The following NDRG4 variants were observed in gnomAD, a reference collection of about 807,000 sequenced individuals.
The protein encoded by NDRG4 is protein NDRG4.
In NDRG4, 38 loss-of-function variants were observed where a neutral mutation model predicts 55.8. That is an observed-to-expected ratio of 0.68 (90% confidence interval 0.53 to 0.89). The LOEUF (loss-of-function observed/expected upper bound fraction) is 0.89, where lower values mean the gene tolerates loss of function less well. Ranked by LOEUF, NDRG4 falls within the 40% of genes least tolerant of loss-of-function variation. The pLI is 0.00. For synonymous variants in NDRG4, 190 were observed against 182.7 expected (o/e 1.04, Z -0.32); for missense variants, 455 against 468.6 (o/e 0.97, Z 0.27).
rs967223921 is a variant in NDRG4, at chr16:58,512,784, T to C, written c.*1208T>C. On this transcript the variant is annotated 3_prime_UTR_variant, in exon 15 of 15. Coordinates refer to ENST00000570248, the MANE Select transcript of NDRG4 (RefSeq NM_001242835.2). ...CTTTCCATCCACTCACCTTACCCCA[T>C]AGCATCTTGCGGCCCAGAAACCAGA... is the stretch of plus-strand genomic sequence containing the variant. 2 of 152,646 alleles carry C rather than the reference T, an allele frequency of 1.3e-5. No individual in the cohort carries two copies. Among genetic ancestry groups the C allele is most frequent in the African/African-American group, 4.8e-5 (2 of 41,418 alleles). The allele number at this position is 152,646 out of a possible 1,614,324, so 9.5% of individuals were successfully genotyped here. A position where few individuals can be genotyped will look rare whatever the true frequency, so the allele number is the denominator to read the frequency against.
At chr16:58,505,409 T>C (rs1405507383) in intron 5 of NDRG4, among the ~76,000 whole-genome samples, 1 of 108,234 alleles carries the variant, frequency 9.2e-6, no homozygotes. Flanking sequence ...TTTTCATCTC[T>C]AAAAACAAGC....
At chr16:58,493,906 G>A (rs2036080869) in intron 2 of NDRG4, among the ~76,000 whole-genome samples, 1 of 152,184 alleles carries the variant, frequency 6.6e-6, no homozygotes, top group African/African-American at 2.4e-5. Context: ...GACCCAGAGT[G>A]GGTGAGTCGC....
At chr16:58,508,550 T>G (rs2038354239) in intron 10 of NDRG4, among the ~76,000 whole-genome samples, 1 of 152,090 alleles carries the variant, frequency 6.6e-6, no homozygotes, top group Admixed American at 6.5e-5. Flanking sequence ...ATACCAGGCT[T>G]TCCCATGCCC....
At chr16:58,489,064 C>T (rs557796020) in intron 2 of NDRG4, among the ~76,000 whole-genome samples, 14 of 152,126 alleles carry the variant, frequency 9.2e-5, no homozygotes, top group South Asian at 6.2e-4. Context: ...TTTGGGAGGC[C>T]GAGGTGGGCA....
Position 58,500,199 on chromosome 16 carries a change from A to G in NDRG4, c.-50A>G. On this transcript the variant is annotated 5_prime_UTR_variant, in exon 1 of 15. Coordinates refer to ENST00000570248, the MANE Select transcript of NDRG4 (RefSeq NM_001242835.2). ...CCCGCCCTCTGGACCCGAGTGACTC[A>G]GGCCTTTGTTTGTCCTTCCTGGTAG... 6.5e-7 allele frequency: 1 copy of G among 1,536,010 alleles called. No homozygotes were observed. Among genetic ancestry groups the G allele is most frequent in the Non-Finnish European group, 8.7e-7 (1 of 1,146,820 alleles).
chr16:58,481,217 C>T (rs1308760547), intron 1 of NDRG4, among the ~76,000 whole-genome samples: 2 of 152,030 alleles, frequency 1.3e-5, no homozygotes, highest in Non-Finnish European at 2.9e-5. Flanking sequence ...ACTAAATGAG[C>T]TTATACATGT....
chr16:58,464,419 C>A lies in NDRG4; in HGVS notation c.-24+622C>A. On this transcript the variant is annotated intron_variant, in intron 1 of 15. Transcript: ENST00000258187. This position sits in a 1 kb window ranked among gnomAD's most constrained non-coding sequence, Gnocchi z 4.8. Reference sequence around the variant, plus strand: ...CGCCGCCACCCAGAGCCGGGCCGCGCCGGGCGCCGAGATGAAGGTGCTGGG... The same window carrying A: ...CGCCGCCACCCAGAGCCGGGCCGCGACGGGCGCCGAGATGAAGGTGCTGGG... The A allele has an allele frequency of 7.3e-7, 1 of 1,368,994 alleles. No homozygotes were observed. Among genetic ancestry groups the A allele is most frequent in the Non-Finnish European group, 9.4e-7 (1 of 1,064,094 alleles). 84.8% of individuals were successfully genotyped at this position (1,368,994 alleles called of 1,614,324 possible).
rs578200561 is a variant in NDRG4, at chr16:58,464,475, C to A, written c.-24+678C>A. 1,228 of 1,316,936 alleles carry A rather than the reference C, an allele frequency of 9.3e-4. 15 individuals carry two copies. In the African/African-American group the frequency reaches 0.017, roughly 19 times the overall value. The allele number at this position is 1,316,936 out of a possible 1,614,324, so 81.6% of individuals were successfully genotyped here. A position where few individuals can be genotyped will look rare whatever the true frequency, so the allele number is the denominator to read the frequency against. ...GGCTGGAGCTGCTCACAGGTACCGC[C>A]CGCCTGCCCCGCAGCCGGCCGCCAC... On this transcript the variant is annotated intron_variant, in intron 1 of 15. Coordinates refer to the NDRG4 transcript ENST00000258187. This position sits in a 1 kb window ranked among gnomAD's most constrained non-coding sequence, Gnocchi z 4.8.
At chr16:58,484,695 G>T (rs1028676374) in intron 1 of NDRG4, among the ~76,000 whole-genome samples, 3 of 152,124 alleles carry the variant, frequency 2.0e-5, no homozygotes, top group African/African-American at 7.2e-5. Context: ...TCCCTTTAGG[G>T]AATAAGAGAT....
rs1295828220 is a variant in NDRG4, at chr16:58,508,996, C to T, written c.764C>T (p.Thr255Met). Residue 255 changes from threonine to methionine, a missense_variant, in exon 11 of 15, where the codon ACG becomes ATG. Coordinates refer to ENST00000570248, the MANE Select transcript of NDRG4 (RefSeq NM_001242835.2). ...ECNSKLDPTT[T>M]TFLKMADSGG... Reference sequence around the variant, plus strand: ...AACTCCAAACTGGACCCGACCACTACGACCTTCCTGAAGGTGAGGCTTTCT... The same window carrying T: ...AACTCCAAACTGGACCCGACCACTATGACCTTCCTGAAGGTGAGGCTTTCT... 1.9e-6 allele frequency: 3 copies of T among 1,614,116 alleles called. No homozygotes were observed. Among genetic ancestry groups the T allele is most frequent in the East Asian group, 2.2e-5 (1 of 44,876 alleles).
At chr16:58,494,601 C>T (rs868748275) in intron 2 of NDRG4, among the ~76,000 whole-genome samples, 44 of 152,306 alleles carry the variant, frequency 2.9e-4, no homozygotes, top group Middle Eastern at 3.4e-3. Flanking sequence ...CGCTCACACG[C>T]TCCTCCACCA....
At chr16:58,474,629 C>A (rs1234102818) in intron 1 of NDRG4, among the ~76,000 whole-genome samples, 2 of 152,164 alleles carry the variant, frequency 1.3e-5, no homozygotes, top group African/African-American at 4.8e-5. Context: ...TTTTTTGCCT[C>A]CCCTCCAGCA....
chr16:58,500,414 C>T (rs2036928081), intron 1 of NDRG4, 145 bp downstream of exon 1: 9 of 1,112,336 alleles, frequency 8.1e-6, no homozygotes, highest in South Asian at 6.4e-5. Flanking sequence ...CACTGAGACA[C>T]GGCCAGAGTG....
rs1490354906 is a variant in NDRG4 at position 58,513,292 on chromosome 16, T to G, written c.*1716T>G. On this transcript the variant is annotated 3_prime_UTR_variant, in exon 15 of 15. Transcript: ENST00000570248. ...TTATTATTTTCTTCTCCGCACAAAG[T>G]AAAGAGCCTAATTTTGTGTATTCTG... The G allele has an allele frequency of 6.6e-6, 1 of 152,188 alleles. No homozygotes were observed. Among genetic ancestry groups the G allele is most frequent in the Non-Finnish European group, 1.5e-5 (1 of 68,028 alleles). The allele number at this position is 152,188 out of a possible 1,614,324, so 9.4% of individuals were successfully genotyped here.
intron 5 of NDRG4, 99 bp from the exon 6 acceptor site, chr16:58,506,288 C>T (rs748806192): frequency 2.1e-5 from 25 of 1,174,536 alleles, no homozygotes; most frequent in Admixed American, 1.5e-4. Context: ...CGGCTGTAGC[C>T]GGGTGGCTGA....
At chr16:58,500,983 T>G in intron 1 of NDRG4, 1 of 1,243,634 alleles carries the variant, frequency 8.0e-7, no homozygotes, top group Admixed American at 4.2e-5. Context: ...TGCCTTATTT[T>G]GTAGGTGGGG....
At chr16:58,503,768 A>C (rs746816186) in intron 1 of NDRG4, 30 bp from the exon 2 acceptor site, 7 of 1,613,172 alleles carry the variant, frequency 4.3e-6, no homozygotes, top group Non-Finnish European at 5.9e-6. Flanking sequence ...GAGGCTGCCC[A>C]GAGTGTCCAG....
chr16:58,510,648 C>A lies in NDRG4; in HGVS notation c.869C>A (p.Ala290Glu). The A allele has an allele frequency of 6.5e-7, 1 of 1,536,024 alleles. No homozygotes were observed. The highest frequency in any genetic ancestry group is 1.2e-5 in the South Asian group (1 of 84,066). ...CCGGCTCTGTCTTCTCTCTTAGTTG[C>A]GTACTTGAAGGACCGAAGGCTGAGT... ...KYFLQGMGYI[A>E]YLKDRRLSGG... The change falls in exon 14 of 15, where the codon GCG (alanine) becomes GAG (glutamate). Residue 290 changes from alanine to glutamate, a missense_variant. Transcript: ENST00000570248.
intron 1 of NDRG4, chr16:58,465,098 G>T (rs1016453039): frequency 1.2e-5 from 16 of 1,285,274 alleles, no homozygotes; most frequent in African/African-American, 6.1e-5. Flanking sequence ...GGACGGGGGG[G>T]AGGATTCGAG....
Sources: allele counts gnomAD v4.1 joint callset (sites outside exome capture counted in the v4.1 genomes callset), GRCh38; gene constraint gnomAD v4.1.1; non-coding constraint Gnocchi (gnomAD v3.1); transcripts MANE v1.5; gene names NCBI Gene and HGNC (gene_info 2026-07-23, HGNC 2026-07-21).